Variants in ZNF184 observed in about 807,000 individuals in gnomAD.
The protein encoded by ZNF184 is zinc finger protein 184 (Kruppel-like).
A neutral mutation model predicts 54.4 loss-of-function variants in ZNF184; 16 were observed. The observed-to-expected ratio is 0.29, with a 90% confidence interval of 0.20 to 0.45. ZNF184 has a LOEUF of 0.45. Ranked by LOEUF, ZNF184 falls within the 20% of genes least tolerant of loss-of-function variation. ZNF184 has a pLI of 1.00. For missense variants in ZNF184, 681 were observed against 888.2 expected (o/e 0.77, Z 2.97); for synonymous variants, 254 against 295.3 (o/e 0.86, Z 1.43).
the ZNF184 span, among the ~76,000 whole-genome samples, chr6:27,421,734 C>A: frequency 6.6e-6 from 1 of 152,110 alleles, no homozygotes; most frequent in African/African-American, 2.4e-5. Flanking sequence ...TTGCGTGGTC[C>A]CCTTGAACCG....
At chr6:27,467,785 A>G in intron 3 of ZNF184, 68 bp downstream of exon 3, 1 of 1,474,510 alleles carries the variant, frequency 6.8e-7, no homozygotes, top group Non-Finnish European at 9.3e-7. Flanking sequence ...TAGAAAAAAC[A>G]AAACAAAACA....
chr6:27,462,921 T>A (rs1328957789), intron 3 of ZNF184, among the ~76,000 whole-genome samples: 1 of 148,334 alleles, frequency 6.7e-6, no homozygotes, highest in Non-Finnish European at 1.5e-5. Flanking sequence ...TAACCCATAA[T>A]AAAGAGAAAA....
chr6:27,471,346 C>A (rs2142705), intron 2 of ZNF184, among the ~76,000 whole-genome samples: 99,137 of 152,110 alleles, frequency 0.65, 32,606 homozygotes, highest in Middle Eastern at 0.76. Context: ...AAATGTAAGT[C>A]ATGACATTAA....
At chr6:27,440,808 C>T in the ZNF184 span, among the ~76,000 whole-genome samples, 1 of 151,988 alleles carries the variant, frequency 6.6e-6, no homozygotes, top group Non-Finnish European at 1.5e-5. Flanking sequence ...TCCAGACCAT[C>T]CTGGCTAACA....
chr6:27,464,559 A>G (rs1373653294), intron 3 of ZNF184, among the ~76,000 whole-genome samples: 1 of 152,224 alleles, frequency 6.6e-6, no homozygotes, highest in Non-Finnish European at 1.5e-5. Context: ...ATAGAAGGAA[A>G]AAAAGAAAAA....
At chr6:27,429,316 T>C in the ZNF184 span, among the ~76,000 whole-genome samples, 2 of 152,222 alleles carry the variant, frequency 1.3e-5, no homozygotes. Flanking sequence ...GTTGTATTCA[T>C]CATATTGGCA....
downstream of ZNF184, among the ~76,000 whole-genome samples, chr6:27,447,635 C>A (rs923175879): frequency 6.6e-6 from 1 of 152,112 alleles, no homozygotes; most frequent in Non-Finnish European, 1.5e-5. Context: ...ATCGTTTGAA[C>A]CCAGGAAGCA....
chr6:27,456,902 A>C lies in ZNF184; in HGVS notation c.222T>G (p.Pro74=). 6.2e-7 allele frequency: 1 copy of C among 1,614,144 alleles called. No individual in the cohort carries two copies. The highest frequency in any genetic ancestry group is 8.5e-7 in the Non-Finnish European group (1 of 1,180,014). ...LVSIGLQVSK[P]DVISQLEQGT... The stretch of plus-strand genomic sequence containing the variant: ...CTTGCTCTAACTGGGAAATCACATC[A>C]GGTTTAGAAACTTGGAGTCCTGTTC... The change falls in exon 5 of 6, where the codon CCT becomes CCG. Residue 74 remains proline (P), a synonymous_variant. Coordinates refer to ENST00000683788, the MANE Select transcript of ZNF184 (RefSeq NM_001318891.2).
At chr6:27,409,235 C>T in the ZNF184 span, among the ~76,000 whole-genome samples, 1 of 152,110 alleles carries the variant, frequency 6.6e-6, no homozygotes, top group Non-Finnish European at 1.5e-5. Context: ...GCAGGTGGCT[C>T]ATGCCTGTAA....
At chr6:27,443,020 T>C in the ZNF184 span, among the ~76,000 whole-genome samples, 15 of 152,244 alleles carry the variant, frequency 9.9e-5, no homozygotes, top group Non-Finnish European at 5.9e-5. Context: ...TGCTCACTAT[T>C]TTTGATTCAA....
chr6:27,424,100 T>TCAGAAGGA, the ZNF184 span, among the ~76,000 whole-genome samples: 1 of 152,198 alleles, frequency 6.6e-6, no homozygotes, highest in African/African-American at 2.4e-5. Flanking sequence ...TTAGATGTGT[T>TCAGAAGGA]CAGTTTCTTC....
chr6:27,422,046 TG>T, the ZNF184 span, among the ~76,000 whole-genome samples: 1 of 147,616 alleles, frequency 6.8e-6, no homozygotes, highest in Non-Finnish European at 1.5e-5. Context: ...AAAGTTGAGG[TG>T]GGAGGATCGC....
At position 27,452,250 on chromosome 6, in the gene ZNF184, G is replaced by T; in HGVS notation, c.1309C>A (p.Gln437Lys). 6.2e-7 allele frequency: 1 copy of T among 1,613,966 alleles called. No homozygotes were observed. The highest frequency in any genetic ancestry group is 8.5e-7 in the Non-Finnish European group (1 of 1,179,962). The change falls in exon 6 of 6, where the codon CAA becomes AAA. Residue 437 changes from glutamine (Q) to lysine (K), a missense_variant. Gln to Lys is a moderately conservative substitution (Grantham distance 53). Coordinates refer to ENST00000683788, the MANE Select transcript of ZNF184 (RefSeq NM_001318891.2). The surrounding 1 kb of genome is among the most constrained non-coding windows in gnomAD (Gnocchi z 5.5). ...GGTTTCTCCCCAGTATGAGTTTTTT[G>T]ATGCTGAGTGAGGTTTGAGTGCTGG... The part of the protein sequence containing the change: ...FSQHSNLTQH[Q>K]KTHTGEKPYD...
the ZNF184 span, among the ~76,000 whole-genome samples, chr6:27,423,826 C>G: frequency 6.6e-6 from 1 of 152,124 alleles, no homozygotes; most frequent in East Asian, 1.9e-4. Context: ...TAAACTTTTT[C>G]CGATGTTAAT....
the ZNF184 span, among the ~76,000 whole-genome samples, chr6:27,420,873 A>G: frequency 6.6e-6 from 1 of 152,230 alleles, no homozygotes; most frequent in Non-Finnish European, 1.5e-5. Flanking sequence ...GAATGTATAA[A>G]CAGCAGTACA....
intron 2 of ZNF184, among the ~76,000 whole-genome samples, chr6:27,468,623 G>C (rs965501488): frequency 1.3e-5 from 2 of 152,046 alleles, no homozygotes; most frequent in Non-Finnish European, 2.9e-5. Flanking sequence ...CAACCCAAAT[G>C]CCTTTCAACA....
chr6:27,444,022 C>T, the ZNF184 span, among the ~76,000 whole-genome samples: 301 of 152,250 alleles, frequency 2.0e-3, 1 homozygote, highest in African/African-American at 6.9e-3. Context: ...TTTGAACTCA[C>T]GACCCAATTA....
At chr6:27,469,016 C>CA (rs1036640770) in intron 2 of ZNF184, among the ~76,000 whole-genome samples, 5 of 151,602 alleles carry the variant, frequency 3.3e-5, no homozygotes, top group Admixed American at 1.3e-4. Flanking sequence ...ATAAACAAAA[C>CA]AAAAAAAAGC....
At chr6:27,466,828 A>G (rs1412034582) in intron 3 of ZNF184, among the ~76,000 whole-genome samples, 1 of 152,136 alleles carries the variant, frequency 6.6e-6, no homozygotes, top group Non-Finnish European at 1.5e-5. Context: ...CTGGTGAGCA[A>G]TTGTTACCTT....
Sources: gnomAD v4.1 joint callset for allele counts (sites outside exome capture counted in the v4.1 genomes callset) on GRCh38, gnomAD v4.1.1 for gene constraint, Gnocchi (gnomAD v3.1) non-coding constraint, MANE v1.5 for transcripts, NCBI Gene and HGNC (gene_info 2026-07-23, HGNC 2026-07-21) for gene names.